Variants in SLC35D4 observed in about 807,000 individuals in gnomAD.
The protein encoded by SLC35D4 is solute carrier family 35 member D4.
the SLC35D4 span, among the ~76,000 whole-genome samples, chr18:23,263,654 G>A: frequency 3.3e-5 from 5 of 152,200 alleles, no homozygotes; most frequent in Non-Finnish European, 4.4e-5. Flanking sequence ...CTTGCCCTAC[G>A]CTCTGCGTGT....
chr18:23,354,345 C>CAAAAAAAAAAAAAAAAAAA, the SLC35D4 span, among the ~76,000 whole-genome samples: 1 of 99,142 alleles, frequency 1.0e-5, no homozygotes, highest in Non-Finnish European at 1.9e-5. Flanking sequence ...ACTAAAAATA[C>CAAAAAAAAAAAAAAAAAAA]AAAAAAAAAA....
chr18:23,384,639 G>A, the SLC35D4 span, among the ~76,000 whole-genome samples: 3 of 152,314 alleles, frequency 2.0e-5, no homozygotes, highest in African/African-American at 7.2e-5. Flanking sequence ...GGCTAGTGCC[G>A]CGGCACCCTG....
chr18:23,281,674 G>T, the SLC35D4 span, among the ~76,000 whole-genome samples: 7 of 152,064 alleles, frequency 4.6e-5, no homozygotes, highest in Non-Finnish European at 1.0e-4. Context: ...AAGACACAGG[G>T]CCTCCCTGAG....
the SLC35D4 span, chr18:23,253,774 TGAG>T: frequency 1.2e-6 from 2 of 1,614,178 alleles, no homozygotes; most frequent in South Asian, 1.1e-5. Flanking sequence ...ACTGTGGCCT[TGAG>T]GAGCCCACGG....
the SLC35D4 span, among the ~76,000 whole-genome samples, chr18:23,248,814 A>C: frequency 1.3e-5 from 2 of 152,222 alleles, no homozygotes; most frequent in Non-Finnish European, 2.9e-5. Context: ...AACAAGAGCG[A>C]AACTCCATCT....
the SLC35D4 span, among the ~76,000 whole-genome samples, chr18:23,371,935 GTT>G: frequency 2.8e-5 from 1 of 35,480 alleles, no homozygotes; most frequent in African/African-American, 1.2e-4. Flanking sequence ...TGTTTTTTTT[GTT>G]TTTTTTTTTT....
At chr18:23,286,925 TG>T in the SLC35D4 span, among the ~76,000 whole-genome samples, 99 of 151,944 alleles carry the variant, frequency 6.5e-4, no homozygotes, top group African/African-American at 2.3e-3. Context: ...GTCCTCCTCT[TG>T]TATCCCCCCA....
the SLC35D4 span, among the ~76,000 whole-genome samples, chr18:23,262,521 C>T: frequency 6.6e-6 from 1 of 152,242 alleles, no homozygotes; most frequent in Admixed American, 6.5e-5. Context: ...TGATTGACGT[C>T]CACCTAGCGC....
the SLC35D4 span, among the ~76,000 whole-genome samples, chr18:23,368,170 G>C: frequency 6.6e-6 from 1 of 152,160 alleles, no homozygotes; most frequent in South Asian, 2.1e-4. Flanking sequence ...GAATGTAGCA[G>C]CCCAGGGCAG....
the SLC35D4 span, among the ~76,000 whole-genome samples, chr18:23,334,133 T>C: frequency 1.4e-4 from 22 of 152,330 alleles, no homozygotes; most frequent in East Asian, 3.7e-3. Context: ...GTGGTGGGCA[T>C]TTGATATATC....
chr18:23,392,779 T>C, the SLC35D4 span, among the ~76,000 whole-genome samples: 1 of 152,156 alleles, frequency 6.6e-6, no homozygotes, highest in Non-Finnish European at 1.5e-5. Flanking sequence ...GTCCACTAAC[T>C]GAATTCAGTT....
the SLC35D4 span, among the ~76,000 whole-genome samples, chr18:23,281,479 C>T: frequency 5.7e-4 from 86 of 152,198 alleles, no homozygotes; most frequent in Admixed American, 2.4e-3. Flanking sequence ...TGCACAACCA[C>T]GCCCAACTAA....
the SLC35D4 span, among the ~76,000 whole-genome samples, chr18:23,343,597 C>T: frequency 1.3e-5 from 2 of 151,934 alleles, no homozygotes; most frequent in Admixed American, 1.3e-4. Context: ...GGGGTACATC[C>T]CCAGGTTTGT....
chr18:23,337,871 G>C, the SLC35D4 span, among the ~76,000 whole-genome samples: 2 of 152,220 alleles, frequency 1.3e-5, no homozygotes, highest in Non-Finnish European at 2.9e-5. Flanking sequence ...TTGAAACTCA[G>C]AAAAATTCCT....
the SLC35D4 span, among the ~76,000 whole-genome samples, chr18:23,338,501 C>A: frequency 6.6e-6 from 1 of 152,082 alleles, no homozygotes; most frequent in Non-Finnish European, 1.5e-5. Context: ...ATTATTATTG[C>A]ATTGTTTACA....
the SLC35D4 span, among the ~76,000 whole-genome samples, chr18:23,344,193 T>C: frequency 6.6e-6 from 1 of 152,192 alleles, no homozygotes; most frequent in South Asian, 2.1e-4. Context: ...ATCTCATTCT[T>C]TTTTATGGCT....
chr18:23,255,553 A>G, the SLC35D4 span, among the ~76,000 whole-genome samples: 2 of 149,176 alleles, frequency 1.3e-5, no homozygotes, highest in Non-Finnish European at 3.0e-5. Flanking sequence ...CTGCTGAACT[A>G]ATGATTTTTT....
chr18:23,333,304 G>A, the SLC35D4 span, among the ~76,000 whole-genome samples: 3 of 152,318 alleles, frequency 2.0e-5, no homozygotes, highest in East Asian at 5.8e-4. Flanking sequence ...TGCATCTACT[G>A]TCTGCCTATG....
At chr18:23,417,478 T>C in the SLC35D4 span, among the ~76,000 whole-genome samples, 2 of 152,024 alleles carry the variant, frequency 1.3e-5, no homozygotes, top group Admixed American at 6.6e-5. Context: ...GGCAAATTCA[T>C]AGACAAAGAA....
Sources: allele counts gnomAD v4.1 joint callset (sites outside exome capture counted in the v4.1 genomes callset), GRCh38; gene constraint gnomAD v4.1.1; transcripts MANE v1.5; gene names NCBI Gene and HGNC (gene_info 2026-07-23, HGNC 2026-07-21).